Variants in NTM observed in about 807,000 individuals in gnomAD.
NTM encodes the protein neurotrimin, also known as IgLON family member 2.
A neutral mutation model predicts 42.1 loss-of-function variants in NTM; 13 were observed. The observed-to-expected ratio is 0.31, with a 90% confidence interval of 0.20 to 0.49. The LOEUF (loss-of-function observed/expected upper bound fraction) is 0.49. Ranked by LOEUF, NTM falls within the 20% of genes least tolerant of loss-of-function variation. The pLI is 0.99. For missense variants in NTM, 373 were observed against 452.8 expected, an observed-to-expected ratio of 0.82 and a Z score of 1.60; for synonymous variants, 187 against 179.2, an observed-to-expected ratio of 1.04 and a Z score of -0.35.
chr11:132,090,545 G>A (rs1373749025), intron 2 of NTM, among the ~76,000 whole-genome samples: 2 of 152,024 alleles, frequency 1.3e-5, no homozygotes, highest in Admixed American at 6.6e-5. Flanking sequence ...TAGCTCTTCA[G>A]TCACTGAATC....
intron 8 of NTM, among the ~76,000 whole-genome samples, chr11:132,331,014 T>C (rs2095792814): frequency 6.6e-6 from 1 of 152,226 alleles, no homozygotes. Flanking sequence ...ATAGCATTCA[T>C]TCATTCAGTG....
intron 3 of NTM, among the ~76,000 whole-genome samples, chr11:132,187,139 T>G (rs955100222): frequency 3.9e-5 from 6 of 152,170 alleles, no homozygotes; most frequent in African/African-American, 1.4e-4. Flanking sequence ...TGGGGAAATA[T>G]GCTACTTTGA....
chr11:131,900,785 G>A (rs2053038213), intron 1 of NTM, among the ~76,000 whole-genome samples: 1 of 152,202 alleles, frequency 6.6e-6, no homozygotes, highest in South Asian at 2.1e-4. Context: ...GTGAGCTACA[G>A]TGATAACTAC....
chr11:131,730,754 G>T (rs985911215), intron 1 of NTM, among the ~76,000 whole-genome samples: 1 of 142,946 alleles, frequency 7.0e-6, no homozygotes, highest in Non-Finnish European at 1.5e-5. Context: ...GAAGAAAAGA[G>T]CAGGGAATCT....
chr11:132,153,935 T>C (rs1422551156), intron 3 of NTM, among the ~76,000 whole-genome samples: 1 of 152,212 alleles, frequency 6.6e-6, no homozygotes, highest in East Asian at 1.9e-4. Flanking sequence ...TAGACAAAAC[T>C]ACAAAGTTAT....
chr11:131,787,895 T>C (rs2089536829), intron 1 of NTM, among the ~76,000 whole-genome samples: 1 of 152,236 alleles, frequency 6.6e-6, no homozygotes, highest in African/African-American at 2.4e-5. Flanking sequence ...TAGGATAGCA[T>C]CCATTTTTTT....
chr11:131,842,649 G>A (rs754140507), intron 1 of NTM, among the ~76,000 whole-genome samples: 1 of 152,142 alleles, frequency 6.6e-6, no homozygotes, highest in Admixed American at 6.5e-5. Flanking sequence ...CATTAATTGA[G>A]TATATCAACC....
intron 7 of NTM, among the ~76,000 whole-genome samples, chr11:132,323,765 C>CA (rs531682973): frequency 6.6e-6 from 1 of 151,992 alleles, no homozygotes; most frequent in Non-Finnish European, 1.5e-5. Flanking sequence ...AACATTGATG[C>CA]AAAATCCTCA....
At chr11:131,982,097 AAAG>A (rs1023398661) in intron 2 of NTM, among the ~76,000 whole-genome samples, 10 of 152,154 alleles carry the variant, frequency 6.6e-5, no homozygotes, top group Non-Finnish European at 1.2e-4. Context: ...AAGGAAAAAA[AAAG>A]AAACCGTGCA....
intron 1 of NTM, among the ~76,000 whole-genome samples, chr11:131,419,925 A>G (rs999460833): frequency 6.6e-6 from 1 of 152,098 alleles, no homozygotes; most frequent in Non-Finnish European, 1.5e-5. Context: ...ATCTGTGCCC[A>G]CGAATGCTGT....
chr11:132,039,021 G>T (rs1376853124), intron 2 of NTM, among the ~76,000 whole-genome samples: 1 of 152,186 alleles, frequency 6.6e-6, no homozygotes, highest in African/African-American at 2.4e-5. Flanking sequence ...TTGAGTGAGG[G>T]CACCAGTCGG....
At chr11:132,327,776 C>A (rs187007340) in intron 7 of NTM, among the ~76,000 whole-genome samples, 1 of 151,284 alleles carries the variant, frequency 6.6e-6, no homozygotes, top group Non-Finnish European at 1.5e-5. Flanking sequence ...ATTTTCTGTC[C>A]CCCTCTCCCC....
intron 1 of NTM, among the ~76,000 whole-genome samples, chr11:131,500,102 A>T (rs2046552976): frequency 6.6e-6 from 1 of 151,688 alleles, no homozygotes; most frequent in South Asian, 2.1e-4. Flanking sequence ...GGGCCTTCTC[A>T]CTCCCACGTG....
intron 1 of NTM, among the ~76,000 whole-genome samples, chr11:131,789,722 G>A (rs191220699): frequency 1.4e-5 from 2 of 146,706 alleles, no homozygotes; most frequent in Non-Finnish European, 3.1e-5. Context: ...TTTGGGAGGT[G>A]GAGGCAGGCG....
rs768742863 is a variant in NTM, at chr11:132,310,120, T to C, written c.670T>C (p.Tyr224His). 8 of 1,585,274 alleles carry C rather than the reference T, an allele frequency of 5.0e-6. No individual in the cohort carries two copies. In the Admixed American group the frequency reaches 9.1e-5, roughly 18 times the overall value. ...ACATCTTCTTTTTGCAGATCCACCATACATTTCAGAAGCCAAGGGTACAGG... is the reference window on the plus strand; with the variant it reads ...ACATCTTCTTTTTGCAGATCCACCACACATTTCAGAAGCCAAGGGTACAGG... ...RVKVTVNYPP[Y>H]ISEAKGTGVP... Residue 224 changes from tyrosine (Y) to histidine (H), a missense_variant, in exon 6 of 9, where the codon TAC (tyrosine) becomes CAC (histidine). Tyr to His is a moderately conservative substitution (Grantham distance 83). Coordinates refer to ENST00000683400, the MANE Select transcript of NTM (RefSeq NM_001352005.2).
intron 4 of NTM, among the ~76,000 whole-genome samples, chr11:132,293,535 G>T (rs1246187825): frequency 1.3e-5 from 2 of 152,110 alleles, no homozygotes; most frequent in African/African-American, 4.8e-5. Context: ...CCGATGAAGG[G>T]TTATATGAAA....
At position 131,389,414 on chromosome 11, in the gene NTM, C is replaced by G. The variant is rs148100127; in HGVS notation, c.82+18526C>G. ...CTCGGCAAAGCGGCAGCCTGGCGGG[C>G]GGCAGAAGAAATTTCAGGATTTATC... On this transcript the variant is annotated intron_variant, in intron 1 of 8. Coordinates refer to ENST00000683400, the MANE Select transcript of NTM (RefSeq NM_001352005.2). 1.6e-4 allele frequency among the ~76,000 whole-genome samples: 25 copies of G among 152,264 alleles called. 1 individual carries two copies. The South Asian group carries it at 5.2e-3, about 32-fold the overall frequency.
intron 2 of NTM, among the ~76,000 whole-genome samples, chr11:132,111,684 C>T (rs2063221539): frequency 6.6e-6 from 1 of 152,198 alleles, no homozygotes; most frequent in Non-Finnish European, 1.5e-5. Flanking sequence ...GTTGTAGATT[C>T]CTCAGACATC....
chr11:131,861,350 A>T (rs488808), intron 1 of NTM, among the ~76,000 whole-genome samples: 2 of 151,924 alleles, frequency 1.3e-5, no homozygotes, highest in African/African-American at 2.4e-5. Flanking sequence ...GTAATCCCCC[A>T]GCAGTGAGGG....
Sources: gnomAD v4.1 joint callset for allele counts (sites outside exome capture counted in the v4.1 genomes callset) on GRCh38, gnomAD v4.1.1 for gene constraint, MANE v1.5 for transcripts, NCBI Gene and HGNC (gene_info 2026-07-23, HGNC 2026-07-21) for gene names.